JAK2: variants seen among roughly 807,000 people sequenced by gnomAD.
The protein encoded by JAK2 is Janus kinase 2, also known as tyrosine-protein kinase JAK2.
A neutral mutation model predicts 139.3 loss-of-function variants in JAK2; 86 were observed. That is an observed-to-expected ratio of 0.62 (90% CI 0.52 to 0.74). JAK2 has a LOEUF of 0.74. JAK2 is among the 30% of genes least tolerant of loss of function. The pLI is 0.00. For missense variants in JAK2, 1,421 were observed against 1,360.3 expected (o/e 1.04, Z -0.70); for synonymous variants, 490 against 437.7 (o/e 1.12, Z -1.49).
At chr9:5,013,181 G>A (rs1205638504) in intron 2 of JAK2, among the ~76,000 whole-genome samples, 1 of 151,982 alleles carries the variant, frequency 6.6e-6, no homozygotes, top group African/African-American at 2.4e-5. Flanking sequence ...ACAACCCAAA[G>A]CACTTTTTTT....
At chr9:5,114,813 C>G in intron 22 of JAK2, 1 of 278,038 alleles carries the variant, frequency 3.6e-6, no homozygotes, top group Non-Finnish European at 7.1e-6. Context: ...TAAATGTCCT[C>G]CTGCCTTCCT....
chr9:5,024,340 T>C (rs1822639541), intron 3 of JAK2, among the ~76,000 whole-genome samples: 1 of 152,146 alleles, frequency 6.6e-6, no homozygotes, highest in Admixed American at 6.5e-5. Flanking sequence ...TTTTGACAGA[T>C]TTTATTGAAT....
At chr9:5,018,635 G>T (rs574175856) in intron 2 of JAK2, among the ~76,000 whole-genome samples, 22 of 152,286 alleles carry the variant, frequency 1.4e-4, no homozygotes, top group Middle Eastern at 3.4e-3. Flanking sequence ...CACTGTGCCT[G>T]GCCTGACATT....
chr9:5,026,827 C>G (rs1241807510), intron 3 of JAK2, among the ~76,000 whole-genome samples: 1 of 152,136 alleles, frequency 6.6e-6, no homozygotes, highest in East Asian at 1.9e-4. Flanking sequence ...GGCTTTCAAC[C>G]ATTTGTTGAT....
intron 2 of JAK2, among the ~76,000 whole-genome samples, chr9:5,014,942 C>T (rs1336592924): frequency 2.0e-5 from 3 of 147,576 alleles, no homozygotes; most frequent in East Asian, 2.0e-4. Flanking sequence ...TTTGCGGGGG[C>T]GGGGGGAGAT....
At position 5,081,758 on chromosome 9, in the gene JAK2, C is replaced by G; in HGVS notation, c.2468C>G (p.Pro823Arg). 6.2e-7 allele frequency: 1 copy of G among 1,600,312 alleles called. No individual in the cohort carries two copies. The highest frequency in any genetic ancestry group is 1.7e-5 in the Admixed American group (1 of 59,994). The change falls in exon 19 of 25, where the codon CCA (proline) becomes CGA (arginine). Residue 823 changes from proline to arginine, a missense_variant. By Grantham distance (103) the Pro-to-Arg change is moderately radical. Coordinates refer to ENST00000381652, the MANE Select transcript of JAK2 (RefSeq NM_004972.4). Reference protein sequence around the residue: ...YELLTENDMLPNMRIGALGFS... With the variant: ...YELLTENDMLRNMRIGALGFS... ...CTATTAACAGAAAATGACATGTTACCAAATATGAGGATAGGTGCCCTGGGG... is the reference window on the plus strand; with the variant it reads ...CTATTAACAGAAAATGACATGTTACGAAATATGAGGATAGGTGCCCTGGGG...
intron 8 of JAK2, among the ~76,000 whole-genome samples, chr9:5,059,125 C>T (rs1418434860): frequency 6.6e-6 from 1 of 152,094 alleles, no homozygotes; most frequent in Non-Finnish European, 1.5e-5. Context: ...GTGTATAGCT[C>T]AATGAATTTT....
At position 4,985,349 on chromosome 9, in the gene JAK2, T is replaced by C. The variant is rs1405678713; in HGVS notation, c.-390T>C. The C allele has an allele frequency of 6.6e-6, 1 of 152,418 alleles. No homozygotes were observed. The highest frequency in any genetic ancestry group is 1.5e-5 in the Non-Finnish European group (1 of 68,250). The allele number at this position is 152,418 out of a possible 1,614,324, so 9.4% of individuals were successfully genotyped here. On this transcript the variant is annotated 5_prime_UTR_variant, in exon 1 of 25. Transcript: ENST00000381652. ...TGGGCCGGCGCCCGGCTCGCTTGGGTGTTCGCGTCGCCACTTCGGCTTCTC... is the reference window on the plus strand; with the variant it reads ...TGGGCCGGCGCCCGGCTCGCTTGGGCGTTCGCGTCGCCACTTCGGCTTCTC...
intron 22 of JAK2, among the ~76,000 whole-genome samples, chr9:5,104,530 A>G (rs1197418026): frequency 6.6e-6 from 1 of 152,230 alleles, no homozygotes; most frequent in Non-Finnish European, 1.5e-5. Flanking sequence ...AATCAATGGA[A>G]AAAGAGGGAA....
intron 4 of JAK2, among the ~76,000 whole-genome samples, chr9:5,038,660 T>C (rs558070898): frequency 6.6e-5 from 10 of 151,822 alleles, no homozygotes; most frequent in African/African-American, 1.9e-4. Flanking sequence ...ACATACCTAA[T>C]ATAAAAATCT....
intron 2 of JAK2, among the ~76,000 whole-genome samples, chr9:4,999,701 G>A (rs1820814616): frequency 6.6e-6 from 1 of 152,116 alleles, no homozygotes; most frequent in African/African-American, 2.4e-5. Flanking sequence ...CACCCATCTT[G>A]GCCTCCCAAA....
intron 8 of JAK2, among the ~76,000 whole-genome samples, chr9:5,062,833 C>G (rs754304162): frequency 3.3e-5 from 5 of 152,060 alleles, no homozygotes; most frequent in Non-Finnish European, 7.4e-5. Context: ...TGAGCAATAC[C>G]TCATGTGTTT....
At chr9:4,987,681 A>T (rs1820026818) in intron 2 of JAK2, among the ~76,000 whole-genome samples, 1 of 86,436 alleles carries the variant, frequency 1.2e-5, no homozygotes, top group Non-Finnish European at 2.3e-5. Flanking sequence ...GGTTGCAGTG[A>T]GCCGAGATCT....
chr9:5,038,278 CAAAT>C (rs1227691176), intron 4 of JAK2, among the ~76,000 whole-genome samples: 9 of 152,186 alleles, frequency 5.9e-5, no homozygotes, highest in Admixed American at 6.5e-5. Context: ...AGGTCTATGA[CAAAT>C]AAAGAAATCA....
In JAK2 at chr9:5,090,468, T is replaced by G; in HGVS notation, c.2784T>G (p.Ile928Met). ...YSAGRRNLKL[I>M]MEYLPYGSLR... Reference sequence around the variant, plus strand: ...AAGGTCGGCGTAATCTAAAATTAATTATGGAATATTTACCATATGGAAGTT... The same window carrying G: ...AAGGTCGGCGTAATCTAAAATTAATGATGGAATATTTACCATATGGAAGTT... Residue 928 changes from isoleucine to methionine, a missense_variant, in exon 21 of 25, where the codon ATT becomes ATG. By Grantham distance (10) the Ile-to-Met change is conservative (BLOSUM62 1). Coordinates refer to ENST00000381652, the MANE Select transcript of JAK2 (RefSeq NM_004972.4). The G allele has an allele frequency of 6.4e-7, 1 of 1,564,056 alleles. No individual in the cohort carries two copies. Among genetic ancestry groups the G allele is most frequent in the Non-Finnish European group, 8.7e-7 (1 of 1,155,624 alleles).
At position 5,077,593 on chromosome 9, in the gene JAK2, A is replaced by T. The variant is rs775175418; in HGVS notation, c.1992+13A>T. 1 of 1,452,946 alleles carries T rather than the reference A, an allele frequency of 6.9e-7. No individual in the cohort carries two copies. Among genetic ancestry groups the T allele is most frequent in the Admixed American group, 2.7e-5 (1 of 37,288 alleles). The allele number at this position is 1,452,946 out of a possible 1,614,324, so 90.0% of individuals were successfully genotyped here. On this transcript the variant is annotated intron_variant, in intron 15 of 24. Coordinates refer to ENST00000381652, the MANE Select transcript of JAK2 (RefSeq NM_004972.4). The stretch of plus-strand genomic sequence containing the variant: ...CATGCATTTTCTAGTAAGTAGTACA[A>T]CCTTTTTATCAAAAGATACTATTTT...
chr9:5,059,343 C>G (rs552538905), intron 8 of JAK2, among the ~76,000 whole-genome samples: 1 of 152,174 alleles, frequency 6.6e-6, no homozygotes, highest in East Asian at 1.9e-4. Flanking sequence ...AATCTAGATT[C>G]TTTTAGTTAG....
intron 19 of JAK2, 36 bp from the exon 20 acceptor site, chr9:5,089,638 C>CTT: frequency 1.0e-6 from 1 of 1,001,854 alleles, no homozygotes; most frequent in African/African-American, 1.7e-5. Flanking sequence ...GCCTTGAAAA[C>CTT]TTGGTATTTC....
At chr9:5,068,153 G>A (rs1225917901) in intron 10 of JAK2, among the ~76,000 whole-genome samples, 16 of 137,712 alleles carry the variant, frequency 1.2e-4, no homozygotes, top group Non-Finnish European at 2.1e-4. Flanking sequence ...AGCGAGACAC[G>A]GTCTCAAAAA....
Sources: allele counts gnomAD v4.1 joint callset (sites outside exome capture counted in the v4.1 genomes callset), GRCh38; gene constraint gnomAD v4.1.1; transcripts MANE v1.5; gene names NCBI Gene and HGNC (gene_info 2026-07-23, HGNC 2026-07-21).